The following CADM2 variants were observed in gnomAD, a reference collection of about 807,000 sequenced individuals.
CADM2 encodes the protein immunoglobulin superfamily member 4D.
In CADM2, 12 loss-of-function variants were observed where a neutral mutation model predicts 49.8. The ratio of observed to expected loss-of-function variants is 0.24; its 90% confidence interval spans 0.15 to 0.39. The LOEUF (loss-of-function observed/expected upper bound fraction) is 0.39, where lower values mean the gene tolerates loss of function less well. Ranked by LOEUF, CADM2 falls within the 10% of genes least tolerant of loss-of-function variation. The pLI, the probability that CADM2 is intolerant of heterozygous loss-of-function variation, is 1.00. For missense variants in CADM2, 378 were observed against 492.3 expected, an observed-to-expected ratio of 0.77 and a Z score of 2.20; for synonymous variants, 214 against 175.4, an observed-to-expected ratio of 1.22 and a Z score of -1.74.
intron 1 of CADM2, among the ~76,000 whole-genome samples, chr3:85,639,515 C>G (rs1319606430): frequency 3.3e-5 from 5 of 152,154 alleles, no homozygotes; most frequent in Non-Finnish European, 7.3e-5. Flanking sequence ...GTAGAATGCT[C>G]TACCACCAGG....
intron 1 of CADM2, among the ~76,000 whole-genome samples, chr3:85,374,853 C>T (rs1292461393): frequency 6.6e-6 from 1 of 152,114 alleles, no homozygotes; most frequent in Non-Finnish European, 1.5e-5. Context: ...CCAGGTTCCT[C>T]CCATGACACA....
At chr3:85,528,133 G>T (rs996507428) in intron 1 of CADM2, among the ~76,000 whole-genome samples, 41 of 152,044 alleles carry the variant, frequency 2.7e-4, no homozygotes, top group South Asian at 1.0e-3. Context: ...AGCTCTCAGG[G>T]ATCTCTCTTG....
chr3:85,504,432 G>A (rs2040236728), intron 1 of CADM2, among the ~76,000 whole-genome samples: 1 of 152,222 alleles, frequency 6.6e-6, no homozygotes, highest in Admixed American at 6.5e-5. Flanking sequence ...GACCGGAGCG[G>A]GTTGTCACTG....
chr3:85,827,024 A>G (rs1012033183), intron 3 of CADM2, among the ~76,000 whole-genome samples: 4 of 151,912 alleles, frequency 2.6e-5, no homozygotes, highest in African/African-American at 9.7e-5. Flanking sequence ...TAATTTTACT[A>G]AGTTACCCAA....
chr3:85,729,775 T>A (rs1423428677), intron 2 of CADM2, among the ~76,000 whole-genome samples: 16 of 152,102 alleles, frequency 1.1e-4, no homozygotes, highest in Admixed American at 8.5e-4. Flanking sequence ...TCTAGATAGG[T>A]TTCTCTTGCT....
At chr3:85,157,379 C>A (rs1481706819) in intron 1 of CADM2, among the ~76,000 whole-genome samples, 2 of 151,696 alleles carry the variant, frequency 1.3e-5, no homozygotes, top group Non-Finnish European at 2.9e-5. Context: ...CCCGCATCGC[C>A]AAGTCAATCC....
At chr3:86,044,787 T>C (rs1259220910) in intron 8 of CADM2, among the ~76,000 whole-genome samples, 2 of 152,194 alleles carry the variant, frequency 1.3e-5, no homozygotes, top group South Asian at 4.1e-4. Flanking sequence ...CTATTCACAA[T>C]AGCAAAGACT....
intron 1 of CADM2, among the ~76,000 whole-genome samples, chr3:85,274,886 A>T (rs1218502339): frequency 6.6e-6 from 1 of 151,498 alleles, no homozygotes; most frequent in Non-Finnish European, 1.5e-5. Context: ...TCAAGTAGAG[A>T]CACTGAGTAA....
Position 85,785,814 on chromosome 3 carries a change from T to TCTTGTACAA in CADM2, c.89-16230_89-16222dup, listed in dbSNP as rs141512801. On this transcript the variant is annotated intron_variant, in intron 2 of 9. Coordinates refer to ENST00000383699, the MANE Select transcript of CADM2 (RefSeq NM_001167675.2). ...GAAATTCTTCCATCAGCTTCCATTT[T>TCTTGTACAA]CTTGTACAACTAAATCTAATCAATA... is the stretch of plus-strand genomic sequence containing the variant. 4.2e-3 allele frequency among the ~76,000 whole-genome samples: 632 copies of TCTTGTACAA among 152,234 alleles called. 3 individuals carry two copies. The highest frequency in any genetic ancestry group is 0.014 in the African/African-American group (583 of 41,550).
chr3:85,941,462 C>A (rs1216601630), intron 7 of CADM2, among the ~76,000 whole-genome samples: 2 of 151,934 alleles, frequency 1.3e-5, no homozygotes, highest in African/African-American at 4.8e-5. Flanking sequence ...GATACAGCAA[C>A]TTCGATATTT....
chr3:85,416,459 G>A lies in CADM2; in HGVS notation c.62-310063G>A, dbSNP rs545035305. ...ACATTTTCAAGGGATATTAGAAAACGTAAAAAATTTACATATCACAATGAC... is the reference window on the plus strand; with the variant it reads ...ACATTTTCAAGGGATATTAGAAAACATAAAAAATTTACATATCACAATGAC... On this transcript the variant is annotated intron_variant, in intron 1 of 9. Coordinates refer to ENST00000383699, the MANE Select transcript of CADM2 (RefSeq NM_001167675.2). Among the ~76,000 whole-genome samples, 11 of 152,224 alleles carry A rather than the reference G, an allele frequency of 7.2e-5. No individual in the cohort carries two copies. In the East Asian group the frequency reaches 1.7e-3, roughly 24 times the overall value.
Position 85,147,275 on chromosome 3 carries a change from C to CAA in CADM2, c.61+187636_61+187637dup, listed in dbSNP as rs759888985. Among the ~76,000 whole-genome samples the CAA allele has an allele frequency of 5.7e-3, 261 of 45,962 alleles. 24 individuals are homozygous for CAA. The highest frequency in any genetic ancestry group is 0.012 in the African/African-American group (235 of 19,950). 30.2% of individuals were successfully genotyped at this position (45,962 alleles called of 152,430 possible). ...TGGGCGACAGAGCCAGACTCTGTCT[C>CAA]AAAAAAAAAAAAAAAAAAAAAAAAA... On this transcript the variant is annotated intron_variant, in intron 1 of 9. Transcript: ENST00000383699.
At chr3:85,570,937 A>T (rs949650419) in intron 1 of CADM2, among the ~76,000 whole-genome samples, 4 of 152,180 alleles carry the variant, frequency 2.6e-5, no homozygotes, top group Admixed American at 2.6e-4. Context: ...ATTTTTGAGG[A>T]ACTACCTGAT....
intron 5 of CADM2, among the ~76,000 whole-genome samples, chr3:85,895,080 T>C (rs939556802): frequency 6.6e-6 from 1 of 152,170 alleles, no homozygotes; most frequent in Non-Finnish European, 1.5e-5. Flanking sequence ...GACCTGAGAA[T>C]GGTAGATCCA....
intron 1 of CADM2, among the ~76,000 whole-genome samples, chr3:84,988,015 G>C (rs1219313097): frequency 6.6e-6 from 1 of 152,174 alleles, no homozygotes; most frequent in African/African-American, 2.4e-5. Context: ...ATTTGGAGCT[G>C]TGGCCACAGA....
intron 1 of CADM2, among the ~76,000 whole-genome samples, chr3:85,432,348 G>C (rs554739921): frequency 2.0e-5 from 3 of 151,982 alleles, no homozygotes; most frequent in Admixed American, 2.0e-4. Context: ...CAGAGGGAGG[G>C]AGCGACCAAA....
chr3:85,906,287 C>A (rs1036144484), intron 5 of CADM2, among the ~76,000 whole-genome samples: 2 of 152,120 alleles, frequency 1.3e-5, no homozygotes, highest in Admixed American at 6.5e-5. Context: ...TCTTGTAGCA[C>A]CTCTCAATGT....
chr3:85,393,187 A>G (rs1029033655), intron 1 of CADM2, among the ~76,000 whole-genome samples: 6 of 152,156 alleles, frequency 3.9e-5, no homozygotes, highest in Non-Finnish European at 8.8e-5. Flanking sequence ...AATAAAAATC[A>G]GTGATTTACT....
intron 1 of CADM2, among the ~76,000 whole-genome samples, chr3:85,079,242 C>T (rs1280600836): frequency 1.3e-5 from 2 of 151,732 alleles, no homozygotes; most frequent in East Asian, 3.9e-4. Context: ...AATGCCAATG[C>T]ACATATTATA....
Sources: gnomAD v4.1 joint callset for allele counts (sites outside exome capture counted in the v4.1 genomes callset) on GRCh38, gnomAD v4.1.1 for gene constraint, MANE v1.5 for transcripts, NCBI Gene and HGNC (gene_info 2026-07-23, HGNC 2026-07-21) for gene names.